The following BRD7 variants were observed in gnomAD, a reference collection of about 807,000 sequenced individuals.
The protein encoded by BRD7 is bromodomain containing 7.
A neutral mutation model predicts 82.1 loss-of-function variants in BRD7; 15 were observed. The observed-to-expected ratio is 0.18, with a 90% CI of 0.12 to 0.28. The LOEUF (loss-of-function observed/expected upper bound fraction) is 0.28. Ranked by LOEUF, BRD7 falls within the 10% of genes least tolerant of loss-of-function variation. The probability of loss-of-function intolerance (pLI) is 1.00; values close to 1 mark genes in which losing one functional copy is unlikely to be tolerated. For synonymous variants in BRD7, 232 were observed against 266.9 expected, an observed-to-expected ratio of 0.87 and a Z score of 1.27; for missense variants, 638 against 779.9, an observed-to-expected ratio of 0.82 and a Z score of 2.17.
chr16:50,331,113 T>C (rs1215072665), intron 8 of BRD7, among the ~76,000 whole-genome samples: 1 of 152,046 alleles, frequency 6.6e-6, no homozygotes, highest in Non-Finnish European at 1.5e-5. Flanking sequence ...TAAGAATATA[T>C]GTAAAGAGGT....
chr16:50,349,350 C>T (rs1184913398), intron 5 of BRD7: 2 of 321,232 alleles, frequency 6.2e-6, no homozygotes, highest in African/African-American at 4.5e-5. Flanking sequence ...ATATATGTAA[C>T]CAACCTGCAC....
At chr16:50,335,035 G>T in intron 6 of BRD7, 140 bp from the exon 7 acceptor site, 1 of 841,770 alleles carries the variant, frequency 1.2e-6, no homozygotes, top group Non-Finnish European at 1.8e-6. Context: ...TATACCAAGA[G>T]AGTATTGTAT....
rs150310668 is a variant in BRD7 at position 50,329,975 on chromosome 16, C to T, written c.1012-1231G>A. Among the ~76,000 whole-genome samples the T allele has an allele frequency of 3.0e-3, 458 of 152,268 alleles. 3 individuals carry two copies. The highest frequency in any genetic ancestry group is 0.01 in the African/African-American group (433 of 41,534). Reference sequence around the variant, plus strand: ...GCTGTCCCCCCTTCCTCTTGCCACCCTCGATACCATATTAGGGACCTAAAG... The same window carrying T: ...GCTGTCCCCCCTTCCTCTTGCCACCTTCGATACCATATTAGGGACCTAAAG... On this transcript the variant is annotated intron_variant, in intron 8 of 16. Transcript: ENST00000394688.
chr16:50,331,504 C>T (rs1456176406), intron 8 of BRD7, among the ~76,000 whole-genome samples: 2 of 152,168 alleles, frequency 1.3e-5, no homozygotes, highest in Non-Finnish European at 2.9e-5. Context: ...GAGTTTGAGA[C>T]CTGCCTGGGC....
At position 50,368,910 on chromosome 16, in the gene BRD7, C is replaced by T. The variant is rs1246091786; in HGVS notation, c.-136G>A. The T allele has an allele frequency of 5.8e-6, 2 of 346,346 alleles. No homozygotes were observed. Among genetic ancestry groups the T allele is most frequent in the Non-Finnish European group, 8.1e-6 (2 of 248,336 alleles). 21.5% of individuals were successfully genotyped at this position (346,346 alleles called of 1,614,324 possible). A position where few individuals can be genotyped will look rare whatever the true frequency, so the allele number is the denominator to read the frequency against. ...CGCCGCGAGGCAGGGGGGCGGCGCGCGCCGGGCGGCGCGATGCCCCTCTCG... is the reference window on the plus strand; with the variant it reads ...CGCCGCGAGGCAGGGGGGCGGCGCGTGCCGGGCGGCGCGATGCCCCTCTCG... On this transcript the variant is annotated 5_prime_UTR_variant, in exon 1 of 17. Coordinates refer to ENST00000394688, the MANE Select transcript of BRD7 (RefSeq NM_013263.5).
chr16:50,353,761 T>A (rs2038628348), intron 4 of BRD7, among the ~76,000 whole-genome samples: 1 of 668 alleles, frequency 1.5e-3, no homozygotes, highest in African/African-American at 2.2e-3. Flanking sequence ...GCCTGGCAAT[T>A]TTTTTTTTTT....
Position 50,319,995 on chromosome 16 carries a change from G to C in BRD7, c.1792C>G (p.Gln598Glu). Residue 598 changes from glutamine to glutamate, a missense_variant, in exon 16 of 17, where the codon CAG becomes GAG. Coordinates refer to ENST00000394688, the MANE Select transcript of BRD7 (RefSeq NM_013263.5). ...QVTNNLKELA[Q>E]QVTPGDIVST... ...ACGATATCACCTGGAGTTACTTGCTGTGCAAGTTCTTTAAGATTATTGGTC... is the reference window on the plus strand; with the variant it reads ...ACGATATCACCTGGAGTTACTTGCTCTGCAAGTTCTTTAAGATTATTGGTC... 2 of 1,611,392 alleles carry C rather than the reference G, an allele frequency of 1.2e-6. No homozygotes were observed. The highest frequency in any genetic ancestry group is 1.7e-4 in the Middle Eastern group (1 of 5,910).
intron 13 of BRD7, among the ~76,000 whole-genome samples, chr16:50,321,560 C>CCAT (rs1282788413): frequency 1.1e-5 from 1 of 90,924 alleles, no homozygotes; most frequent in Non-Finnish European, 2.0e-5. Context: ...GAGCGGGACT[C>CCAT]CATCTCAAAA....
intron 11 of BRD7, among the ~76,000 whole-genome samples, chr16:50,324,193 A>G (rs1007829863): frequency 2.0e-5 from 3 of 152,156 alleles, no homozygotes; most frequent in African/African-American, 7.2e-5. Context: ...GCAGTCTTCC[A>G]GGCTCAGTGT....
intron 5 of BRD7, among the ~76,000 whole-genome samples, chr16:50,348,784 C>T (rs963506452): frequency 6.6e-6 from 1 of 152,092 alleles, no homozygotes; most frequent in African/African-American, 2.4e-5. Context: ...TGTGGAGAAA[C>T]AGGAACACTT....
chr16:50,319,891 T>C lies in BRD7; in HGVS notation c.1896A>G (p.Thr632=), dbSNP rs769333393. The C allele has an allele frequency of 2.5e-5, 40 of 1,611,626 alleles. No homozygotes were observed. The highest frequency in any genetic ancestry group is 3.4e-5 in the Non-Finnish European group (40 of 1,179,760). ...CAGAGAAAACAGGGCACGTACCTTC[T>C]GTCAAATCCACAAAGTTGTTTTCCA... ...PVMENNFVDL[T]EDTEEPKKTD... is the part of the protein sequence containing the mutation. Residue 632 remains threonine, a synonymous_variant, in exon 16 of 17, where the codon ACA becomes ACG. Coordinates refer to ENST00000394688, the MANE Select transcript of BRD7 (RefSeq NM_013263.5).
At chr16:50,349,418 A>T in intron 5 of BRD7, 1 of 373,998 alleles carries the variant, frequency 2.7e-6, no homozygotes, top group Non-Finnish European at 5.3e-6. Flanking sequence ...AAAAATGTAA[A>T]CCATCTAAAA....
At position 50,318,313 on chromosome 16, in the gene BRD7, A is replaced by ATAAT. The variant is rs1326956002; in HGVS notation, c.*894_*897dup. On this transcript the variant is annotated 3_prime_UTR_variant, in exon 17 of 17. Transcript: ENST00000394688. ...CTAATTAATTTTCAAAGTCAGGAAA[A>ATAAT]TAATAGAAATCAAATGGCTTCCTGC... 21 of 152,362 alleles carry ATAAT rather than the reference A, an allele frequency of 1.4e-4. No individual in the cohort carries two copies. The highest frequency in any genetic ancestry group is 2.1e-4 in the Non-Finnish European group (14 of 68,038). The allele number at this position is 152,362 out of a possible 1,614,324, so 9.4% of individuals were successfully genotyped here.
rs1244177287 is a variant in BRD7, at chr16:50,328,707, G to A, written c.1049C>T (p.Thr350Met). Reference sequence around the variant, plus strand: ...ATCCACAGGATGGAGAAGTCCCAACGTCGTTGTTCCATCTGGTTTTCTTCT... The same window carrying A: ...ATCCACAGGATGGAGAAGTCCCAACATCGTTGTTCCATCTGGTTTTCTTCT... ...FERRKPDGTT[T>M]LGLLHPVDPI... Residue 350 changes from threonine to methionine, a missense_variant, in exon 9 of 17, where the codon ACG becomes ATG. Transcript: ENST00000394688. 6.2e-6 allele frequency: 10 copies of A among 1,613,850 alleles called. No individual in the cohort carries two copies. The highest frequency in any genetic ancestry group is 8.5e-6 in the Non-Finnish European group (10 of 1,179,996).
At chr16:50,367,506 G>A (rs1308165871) in intron 2 of BRD7, among the ~76,000 whole-genome samples, 1 of 152,172 alleles carries the variant, frequency 6.6e-6, no homozygotes, top group African/African-American at 2.4e-5. Context: ...TTACAAGTGT[G>A]GGCTACTGGG....
intron 12 of BRD7, among the ~76,000 whole-genome samples, chr16:50,322,737 C>T (rs1361071066): frequency 2.6e-5 from 4 of 152,068 alleles, no homozygotes; most frequent in South Asian, 2.1e-4. Context: ...ATTCAATTTT[C>T]GTTAGACTAT....
chr16:50,319,913 T>G lies in BRD7; in HGVS notation c.1874A>C (p.Glu625Ala). ...TTCTGTCAAATCCACAAAGTTGTTTTCCATGACGGGGGAAGGAATGGAAAT... is the reference window on the plus strand; with the variant it reads ...TTCTGTCAAATCCACAAAGTTGTTTGCCATGACGGGGGAAGGAATGGAAAT... Reference protein sequence around the residue: ...MGISIPSPVMENNFVDLTEDT... With the variant: ...MGISIPSPVMANNFVDLTEDT... Residue 625 changes from glutamate (E) to alanine (A), a missense_variant, in exon 16 of 17, where the codon GAA becomes GCA. Glu to Ala is a moderately radical substitution (Grantham distance 107, BLOSUM62 -1). This residue lies in a region of BRD7 where 402 missense variants were observed against 500.8 expected (regional missense o/e 0.80). Coordinates refer to ENST00000394688, the MANE Select transcript of BRD7 (RefSeq NM_013263.5). 1 of 1,612,252 alleles carries G rather than the reference T, an allele frequency of 6.2e-7. No individual in the cohort carries two copies. The highest frequency in any genetic ancestry group is 8.5e-7 in the Non-Finnish European group (1 of 1,179,932).
At chr16:50,331,172 T>C (rs2037549774) in intron 8 of BRD7, among the ~76,000 whole-genome samples, 1 of 152,172 alleles carries the variant, frequency 6.6e-6, no homozygotes, top group Admixed American at 6.5e-5. Flanking sequence ...AAATCATATA[T>C]GACACAAATG....
chr16:50,321,752 A>G (rs780309036), intron 13 of BRD7, among the ~76,000 whole-genome samples: 16 of 152,076 alleles, frequency 1.1e-4, no homozygotes, highest in Admixed American at 2.0e-4. Flanking sequence ...CCATTGATCC[A>G]CCTGATTTCT....
Sources: gnomAD v4.1 joint callset for allele counts (sites outside exome capture counted in the v4.1 genomes callset) on GRCh38, gnomAD v4.1.1 for gene constraint, gnomAD v4.1.1 regional missense constraint, MANE v1.5 for transcripts, NCBI Gene and HGNC (gene_info 2026-07-23, HGNC 2026-07-21) for gene names.